The following RXRG variants were observed in gnomAD, a reference collection of about 807,000 sequenced individuals.
The protein encoded by RXRG is retinoic acid receptor RXR-gamma.
A neutral mutation model predicts 49.2 loss-of-function variants in RXRG; 19 were observed. That is an observed-to-expected ratio of 0.39 (90% CI 0.27 to 0.57). The LOEUF (loss-of-function observed/expected upper bound fraction) is 0.57, where lower values mean the gene tolerates loss of function less well. Among genes scored for constraint, RXRG ranks in the 20% least tolerant of loss-of-function variants. The pLI is 0.64. For missense variants in RXRG, 452 were observed against 592.5 expected (o/e 0.76, Z 2.46); for synonymous variants, 224 against 216.6 (o/e 1.03, Z -0.30).
intron 9 of RXRG, among the ~76,000 whole-genome samples, chr1:165,405,516 AG>A (rs761097632): frequency 7.9e-5 from 12 of 152,260 alleles, no homozygotes; most frequent in Non-Finnish European, 1.3e-4. Context: ...TGAAAAGGTG[AG>A]GGCCCTCTAA....
chr1:165,406,408 G>T lies in RXRG; in HGVS notation c.1244+404C>A, dbSNP rs138128342. On this transcript the variant is annotated intron_variant, in intron 9 of 9. Transcript: ENST00000359842. ...CAATGCAGTCACACCTCAAACACAG[G>T]CTCTGTGAAATCACACGAACAGGGT... Among the ~76,000 whole-genome samples, 186 of 152,336 alleles carry T rather than the reference G, an allele frequency of 1.2e-3. 1 individual carries two copies. Among genetic ancestry groups the T allele is most frequent in the African/African-American group, 4.3e-3 (178 of 41,568 alleles).
At chr1:165,441,043 A>C (rs1212638392) in intron 1 of RXRG, among the ~76,000 whole-genome samples, 1 of 152,246 alleles carries the variant, frequency 6.6e-6, no homozygotes, top group Non-Finnish European at 1.5e-5. Context: ...GGAGGGGAAA[A>C]ATATGTTCTA....
intron 1 of RXRG, chr1:165,437,162 G>A (rs143947166): frequency 1.2e-4 from 166 of 1,367,758 alleles, no homozygotes; most frequent in African/African-American, 1.9e-4. Flanking sequence ...CAGCCCTAGC[G>A]ATGTGGAGAG....
At chr1:165,422,366 T>A (rs961060308) in intron 2 of RXRG, among the ~76,000 whole-genome samples, 2 of 152,238 alleles carry the variant, frequency 1.3e-5, no homozygotes, top group African/African-American at 4.8e-5. Context: ...CGGAAGGAGA[T>A]GCAGGCACTG....
At position 165,401,094 on chromosome 1, in the gene RXRG, A is replaced by G. The variant is rs1398617522; in HGVS notation, c.*169T>C. ...CGTATTACCTTTAACATCTATACAA[A>G]AGTCCACCTATAAAAGTCTCATGTG... On this transcript the variant is annotated 3_prime_UTR_variant, in exon 10 of 10. Transcript: ENST00000359842. 3.2e-6 allele frequency: 2 copies of G among 617,852 alleles called. No individual in the cohort carries two copies. The highest frequency in any genetic ancestry group is 3.7e-5 in the African/African-American group (2 of 54,204). 38.3% of individuals were successfully genotyped at this position (617,852 alleles called of 1,614,324 possible). A position where few individuals can be genotyped will look rare whatever the true frequency, so the allele number is the denominator to read the frequency against.
At position 165,428,917 on chromosome 1, in the gene RXRG, C is replaced by G. The variant is rs1278232099; in HGVS notation, c.99G>C (p.Leu33Phe). The G allele has an allele frequency of 6.2e-7, 1 of 1,613,760 alleles. No homozygotes were observed. Among genetic ancestry groups the G allele is most frequent in the East Asian group, 2.2e-5 (1 of 44,858 alleles). The change falls in exon 2 of 10, where the codon TTG becomes TTC. Residue 33 changes from leucine (L) to phenylalanine (F), a missense_variant. Physicochemically the swap from Leu to Phe is conservative, Grantham distance 22. Around this residue, in one of 2 missense-constraint regions of RXRG, gnomAD observed 166 missense variants for 151.7 expected, o/e 1.09. Transcript: ENST00000359842. ...GGCTGTCCATTGGCTTCCCTGTGGACAAGGCTGCTGATGGGCTCATGGATG... is the reference window on the plus strand; with the variant it reads ...GGCTGTCCATTGGCTTCCCTGTGGAGAAGGCTGCTGATGGGCTCATGGATG... The part of the protein sequence containing the change: ...GSTSMSPSAA[L>F]STGKPMDSHP...
chr1:165,410,635 C>A (rs1657912872), intron 6 of RXRG, 67 bp downstream of exon 6: 7 of 1,591,158 alleles, frequency 4.4e-6, no homozygotes, highest in Non-Finnish European at 5.2e-6. Flanking sequence ...CATCAGGCTA[C>A]TTTTTTTAGG....
At position 165,401,154 on chromosome 1, in the gene RXRG, TG is replaced by T. The variant is rs1657551160; in HGVS notation, c.*108del. Reference sequence around the variant, plus strand: ...TTTCTTTATTATAAGCATCACATTTTGGGGACAGGAAGGGGGTCAGGGTGGG... The same window carrying T: ...TTTCTTTATTATAAGCATCACATTTTGGGACAGGAAGGGGGTCAGGGTGGG... On this transcript the variant is annotated 3_prime_UTR_variant, in exon 10 of 10. Coordinates refer to ENST00000359842, the MANE Select transcript of RXRG (RefSeq NM_006917.5). 2.1e-6 allele frequency: 2 copies of T among 974,414 alleles called. No homozygotes were observed. Among genetic ancestry groups the T allele is most frequent in the Non-Finnish European group, 3.1e-6 (2 of 644,928 alleles). 60.4% of individuals were successfully genotyped at this position (974,414 alleles called of 1,614,324 possible). A position where few individuals can be genotyped will look rare whatever the true frequency, so the allele number is the denominator to read the frequency against.
intron 1 of RXRG, among the ~76,000 whole-genome samples, chr1:165,435,552 A>G (rs1429870491): frequency 2.0e-5 from 3 of 152,196 alleles, no homozygotes; most frequent in African/African-American, 7.2e-5. Flanking sequence ...GTGGAAGGTA[A>G]GCCCAGATAA....
chr1:165,401,469 C>G, intron 9 of RXRG, 59 bp from the exon 10 acceptor site: 1 of 1,599,936 alleles, frequency 6.3e-7, no homozygotes, highest in South Asian at 1.1e-5. Context: ...ACACCTGCAC[C>G]TGCTGGCAGG....
chr1:165,427,385 A>T (rs538677689), intron 2 of RXRG, among the ~76,000 whole-genome samples: 29 of 151,926 alleles, frequency 1.9e-4, no homozygotes, highest in African/African-American at 2.7e-4. Context: ...TGCCCCATCA[A>T]TGTTGGAATC....
chr1:165,431,312 G>A (rs1658669241), intron 1 of RXRG, among the ~76,000 whole-genome samples: 1 of 152,238 alleles, frequency 6.6e-6, no homozygotes, highest in Admixed American at 6.5e-5. Flanking sequence ...AAAGAGGGCA[G>A]CGCTCAAGAA....
chr1:165,407,803 T>C (rs1657802597), intron 8 of RXRG, among the ~76,000 whole-genome samples: 1 of 151,498 alleles, frequency 6.6e-6, no homozygotes, highest in Non-Finnish European at 1.5e-5. Flanking sequence ...GTTTTCCCCA[T>C]CTCGGTGAAT....
At chr1:165,431,873 TC>T (rs1299607076) in intron 1 of RXRG, among the ~76,000 whole-genome samples, 2 of 152,250 alleles carry the variant, frequency 1.3e-5, no homozygotes, top group Non-Finnish European at 2.9e-5. Context: ...GCTTTCTGTT[TC>T]CTTTTGTTTA....
intron 1 of RXRG, among the ~76,000 whole-genome samples, chr1:165,432,125 G>A (rs577564496): frequency 6.6e-6 from 1 of 152,228 alleles, no homozygotes; most frequent in African/African-American, 2.4e-5. Flanking sequence ...AGATAATGAT[G>A]TGAAAGTGAT....
At chr1:165,438,539 G>T (rs1052470701) in intron 1 of RXRG, among the ~76,000 whole-genome samples, 1 of 152,124 alleles carries the variant, frequency 6.6e-6, no homozygotes, top group Admixed American at 6.5e-5. Context: ...AATATTTTTT[G>T]ACAGATAACC....
At position 165,428,972 on chromosome 1, in the gene RXRG, A is replaced by G. The variant is rs773412624; in HGVS notation, c.50-6T>C. ...GCCAGTGTGGCCAGGGGAGCCTGTA[A>G]GAAGAAGAATATAGATGGTGGGAGG... On this transcript the variant is annotated splice_region_variant and splice_polypyrimidine_tract_variant and intron_variant, in intron 1 of 9. Coordinates refer to ENST00000359842, the MANE Select transcript of RXRG (RefSeq NM_006917.5). The G allele has an allele frequency of 1.2e-6, 2 of 1,611,344 alleles. No homozygotes were observed. The highest frequency in any genetic ancestry group is 1.7e-6 in the Non-Finnish European group (2 of 1,179,098).
intron 1 of RXRG, among the ~76,000 whole-genome samples, chr1:165,433,264 G>A (rs886330293): frequency 2.0e-5 from 3 of 152,106 alleles, no homozygotes; most frequent in Non-Finnish European, 2.9e-5. Flanking sequence ...CCAGAACTGT[G>A]AGCAATAAAT....
At chr1:165,428,687 C>A in intron 2 of RXRG, 32 bp downstream of exon 2, 1 of 1,553,290 alleles carries the variant, frequency 6.4e-7, no homozygotes, top group Admixed American at 1.8e-5. Flanking sequence ...TGTAAGATGG[C>A]TGGAAAGGCC....
Sources: allele counts gnomAD v4.1 joint callset (sites outside exome capture counted in the v4.1 genomes callset), GRCh38; gene constraint gnomAD v4.1.1; regional missense constraint gnomAD v4.1.1; transcripts MANE v1.5; gene names NCBI Gene and HGNC (gene_info 2026-07-23, HGNC 2026-07-21).